Variants in DCDC1 observed in about 807,000 individuals in gnomAD.
DCDC1 encodes doublecortin domain containing 1, also known as doublecortin domain-containing protein 1.
A neutral mutation model predicts 178.3 loss-of-function variants in DCDC1; 200 were observed. That is an observed-to-expected ratio of 1.12 (90% CI 1.00 to 1.26). The LOEUF (loss-of-function observed/expected upper bound fraction) is 1.26, where lower values mean the gene tolerates loss of function less well. Among genes scored for constraint, DCDC1 ranks in the 50% most tolerant of loss-of-function variants. The pLI, the probability that DCDC1 is intolerant of heterozygous loss-of-function variation, is 0.00. For synonymous variants in DCDC1, 690 were observed against 604.8 expected, an observed-to-expected ratio of 1.14 and a Z score of -2.07; for missense variants, 1,983 against 1,749.2, an observed-to-expected ratio of 1.13 and a Z score of -2.38.
Position 30,900,504 on chromosome 11 carries a change from G to A in DCDC1, c.4511-6C>T, listed in dbSNP as rs1347498463. The A allele has an allele frequency of 4.0e-6, 6 of 1,515,142 alleles. No individual in the cohort carries two copies. The highest frequency in any genetic ancestry group is 2.4e-5 in the East Asian group (1 of 41,756). 93.9% of individuals were successfully genotyped at this position (1,515,142 alleles called of 1,614,324 possible). ...CACTTTCATTCTTGGATTTTCTGGT[G>A]GAAAAAATGACACATTTATCATTGT... On this transcript the variant is annotated splice_region_variant and splice_polypyrimidine_tract_variant and intron_variant, in intron 32 of 38. Coordinates refer to ENST00000684477, the MANE Select transcript of DCDC1 (RefSeq NM_001387274.1).
chr11:31,174,693 T>G (rs746583634), intron 9 of DCDC1, among the ~76,000 whole-genome samples: 1 of 152,154 alleles, frequency 6.6e-6, no homozygotes, highest in Non-Finnish European at 1.5e-5. Context: ...TCCTCCCCTC[T>G]GAAGCCCATT....
intron 8 of DCDC1, 47 bp downstream of exon 8, chr11:31,265,460 G>A (rs1323993258): frequency 1.8e-6 from 2 of 1,082,092 alleles, no homozygotes; most frequent in East Asian, 2.9e-5. Flanking sequence ...AAATATAAAT[G>A]TCTTTCAAAA....
At chr11:31,350,655 A>G (rs1951024277) in intron 1 of DCDC1, among the ~76,000 whole-genome samples, 1 of 152,174 alleles carries the variant, frequency 6.6e-6, no homozygotes, top group African/African-American at 2.4e-5. Flanking sequence ...TACAAGTATC[A>G]GAAACAATAT....
intron 9 of DCDC1, among the ~76,000 whole-genome samples, chr11:31,169,966 T>C (rs1967003213): frequency 1.3e-5 from 2 of 152,182 alleles, no homozygotes; most frequent in Admixed American, 6.5e-5. Context: ...GGGATGCATG[T>C]GGCTGAGTTT....
intron 8 of DCDC1, among the ~76,000 whole-genome samples, chr11:31,247,092 A>G (rs1299304689): frequency 6.6e-6 from 1 of 152,104 alleles, no homozygotes; most frequent in Middle Eastern, 3.2e-3. Context: ...ATAGTGATGC[A>G]TTGCAGGAAG....
At chr11:31,083,546 G>C (rs1555044993) in intron 17 of DCDC1, among the ~76,000 whole-genome samples, 1 of 152,090 alleles carries the variant, frequency 6.6e-6, no homozygotes, top group Non-Finnish European at 1.5e-5. Context: ...CATCTAAAGG[G>C]GACATCACCA....
chr11:30,900,547 A>G, intron 32 of DCDC1, 49 bp from the exon 33 acceptor site: 1 of 1,366,050 alleles, frequency 7.3e-7, no homozygotes, highest in Non-Finnish European at 9.6e-7. Context: ...ATAATGAATA[A>G]ATTTGTTTTC....
chr11:31,254,455 C>A (rs1258028737), intron 8 of DCDC1, among the ~76,000 whole-genome samples: 5 of 152,104 alleles, frequency 3.3e-5, no homozygotes, highest in African/African-American at 9.7e-5. Flanking sequence ...TCTGACAATA[C>A]AAAGGATTAA....
At chr11:31,195,912 T>C (rs1439380196) in intron 9 of DCDC1, among the ~76,000 whole-genome samples, 1 of 152,050 alleles carries the variant, frequency 6.6e-6, no homozygotes, top group Non-Finnish European at 1.5e-5. Context: ...TTCACATATA[T>C]TGTCATTTGA....
At chr11:30,969,580 A>G (rs1250444235) in intron 20 of DCDC1, among the ~76,000 whole-genome samples, 1 of 152,234 alleles carries the variant, frequency 6.6e-6, no homozygotes, top group Non-Finnish European at 1.5e-5. Flanking sequence ...CACCAGCCAA[A>G]GGAAACTAAT....
chr11:31,176,210 A>C (rs1967994501), intron 9 of DCDC1, among the ~76,000 whole-genome samples: 1 of 152,232 alleles, frequency 6.6e-6, no homozygotes, highest in South Asian at 2.1e-4. Context: ...ATCACAAAAA[A>C]GAACCAAAGT....
intron 20 of DCDC1, among the ~76,000 whole-genome samples, chr11:30,957,332 A>G (rs1199665905): frequency 6.6e-6 from 1 of 152,134 alleles, no homozygotes; most frequent in Non-Finnish European, 1.5e-5. Context: ...TAAAAGGCTC[A>G]TCTCCTTTTT....
Position 30,981,628 on chromosome 11 carries a change from T to A in DCDC1, c.2592-29060A>T, listed in dbSNP as rs909008151. Among the ~76,000 whole-genome samples the A allele has an allele frequency of 3.3e-5, 5 of 152,286 alleles. No homozygotes were observed. The South Asian group carries it at 1.0e-3, about 32-fold the overall frequency. ...CTACAAAGCCAGTAGATTTCAACCA[T>A]CTCAAAATATTTCTTGTGTGTTGGC... On this transcript the variant is annotated intron_variant, in intron 20 of 38. Coordinates refer to ENST00000684477, the MANE Select transcript of DCDC1 (RefSeq NM_001387274.1).
At chr11:31,342,781 G>C (rs1326020639) in intron 1 of DCDC1, among the ~76,000 whole-genome samples, 1 of 152,088 alleles carries the variant, frequency 6.6e-6, no homozygotes, top group Non-Finnish European at 1.5e-5. Flanking sequence ...TCCACTGACT[G>C]TCCTGGTGTG....
chr11:31,109,519 G>A (rs1190437167), intron 12 of DCDC1, among the ~76,000 whole-genome samples: 4 of 152,056 alleles, frequency 2.6e-5, no homozygotes, highest in Non-Finnish European at 4.4e-5. Flanking sequence ...ATGATCCAAT[G>A]AGAGCATCCC....
At chr11:31,272,332 C>T (rs1024747346) in intron 7 of DCDC1, among the ~76,000 whole-genome samples, 3 of 152,060 alleles carry the variant, frequency 2.0e-5, no homozygotes, top group Admixed American at 2.0e-4. Context: ...TATCATTTCA[C>T]TTCTCAAATC....
intron 7 of DCDC1, among the ~76,000 whole-genome samples, chr11:31,268,045 T>C (rs1367752016): frequency 6.6e-6 from 1 of 152,232 alleles, no homozygotes; most frequent in Non-Finnish European, 1.5e-5. Context: ...GTTGGTCTCA[T>C]AGACTGTAAG....
chr11:31,178,083 T>A (rs1219968596), intron 9 of DCDC1, among the ~76,000 whole-genome samples: 1 of 152,228 alleles, frequency 6.6e-6, no homozygotes, highest in East Asian at 1.9e-4. Context: ...AATATACATT[T>A]GTCTCAATGG....
At chr11:31,008,932 G>T (rs1395020619) in intron 20 of DCDC1, among the ~76,000 whole-genome samples, 3 of 152,042 alleles carry the variant, frequency 2.0e-5, no homozygotes, top group Admixed American at 6.6e-5. Context: ...CACAATGAAG[G>T]GGGACAATTA....
Sources: gnomAD v4.1 joint callset for allele counts (sites outside exome capture counted in the v4.1 genomes callset) on GRCh38, gnomAD v4.1.1 for gene constraint, MANE v1.5 for transcripts, NCBI Gene and HGNC (gene_info 2026-07-23, HGNC 2026-07-21) for gene names.